The following CHD5 variants were observed in gnomAD, a reference collection of about 807,000 sequenced individuals.
The protein encoded by CHD5 is chromodomain helicase DNA binding protein 5.
A neutral mutation model predicts 230.3 loss-of-function variants in CHD5; 69 were observed. The observed-to-expected ratio is 0.30, with a 90% confidence interval of 0.25 to 0.37. The LOEUF is 0.37. Ranked by LOEUF, CHD5 falls within the 10% of genes least tolerant of loss-of-function variation. The pLI is 1.00. For missense variants in CHD5, 1,827 were observed against 2,622.8 expected (o/e 0.70, Z 6.63); for synonymous variants, 1,064 against 1,065.9 (o/e 1.00, Z 0.03).
Position 6,134,077 on chromosome 1 carries a change from T to G in CHD5, c.3144+51A>C, listed in dbSNP as rs1430299608. 11 of 1,561,122 alleles carry G rather than the reference T, an allele frequency of 7.0e-6. No homozygotes were observed. The highest frequency in any genetic ancestry group is 2.2e-5 in the South Asian group (2 of 89,462). ...TGCGCCCCCAAGCATCAGGGCAGGATGCTCTCTGTGGGGTGTGGAGCCGGG... is the reference window on the plus strand; with the variant it reads ...TGCGCCCCCAAGCATCAGGGCAGGAGGCTCTCTGTGGGGTGTGGAGCCGGG... On this transcript the variant is annotated intron_variant, in intron 20 of 41. Coordinates refer to ENST00000262450, the MANE Select transcript of CHD5 (RefSeq NM_015557.3). This position sits in a 1 kb window ranked among gnomAD's most constrained non-coding sequence, Gnocchi z 6.3.
At position 6,149,519 on chromosome 1, in the gene CHD5, G is replaced by C. The variant is rs1001152291; in HGVS notation, c.995-107C>G. On this transcript the variant is annotated intron_variant, in intron 7 of 41. Transcript: ENST00000262450. ...GGCACAGAGTAGATGTCTAATAGAG[G>C]GTGGATGGAAAGGTGGGTGGGTGAA... is the stretch of plus-strand genomic sequence containing the variant. 22 of 1,143,940 alleles carry C rather than the reference G, an allele frequency of 1.9e-5. No individual in the cohort carries two copies. In the African/African-American group the frequency reaches 3.3e-4, roughly 17 times the overall value. 70.9% of individuals were successfully genotyped at this position (1,143,940 alleles called of 1,614,324 possible).
At position 6,155,920 on chromosome 1, in the gene CHD5, G is replaced by GC. The variant is rs1667074047; in HGVS notation, c.388-204_388-203insG. Among the ~76,000 whole-genome samples the GC allele has an allele frequency of 6.6e-6, 1 of 152,218 alleles. No homozygotes were observed. Among genetic ancestry groups the GC allele is most frequent in the Non-Finnish European group, 1.5e-5 (1 of 68,034 alleles). ...CCCCGCAGCCCCCAATCTGTGCCAC[G>GC]TCTCAGATGCCAGCCCACGAAGTGC... On this transcript the variant is annotated intron_variant, in intron 3 of 41. Transcript: ENST00000262450. The surrounding 1 kb of genome is among the most constrained non-coding windows in gnomAD (Gnocchi z 4.0).
chr1:6,151,322 C>T (rs557752640), intron 6 of CHD5, among the ~76,000 whole-genome samples, 167 bp from the exon 7 acceptor site: 1 of 152,330 alleles, frequency 6.6e-6, no homozygotes, highest in African/African-American at 2.4e-5. Flanking sequence ...TTACAGCCTG[C>T]CTGTCCAGCC....
intron 1 of CHD5, among the ~76,000 whole-genome samples, chr1:6,174,040 G>A (rs1041240592): frequency 1.3e-5 from 2 of 152,102 alleles, no homozygotes; most frequent in African/African-American, 4.8e-5. Context: ...GGCCTGGGGG[G>A]AGTCACCCTG....
chr1:6,132,241 C>CT (rs1223428710), intron 20 of CHD5, among the ~76,000 whole-genome samples: 2 of 152,168 alleles, frequency 1.3e-5, no homozygotes, highest in Non-Finnish European at 2.9e-5. Flanking sequence ...GTATAATTCC[C>CT]TTTATTCTCG....
At chr1:6,135,147 C>G (rs1233908817) in intron 18 of CHD5, 83 bp downstream of exon 18, 6 of 1,521,032 alleles carry the variant, frequency 3.9e-6, no homozygotes, top group Non-Finnish European at 5.5e-6. Flanking sequence ...GAAGAGCCCT[C>G]CGCCCACCTG....
Position 6,136,855 on chromosome 1 carries a change from T to C in CHD5, c.2447A>G (p.Gln816Arg). Residue 816 changes from glutamine (Q) to arginine (R), a missense_variant, in exon 16 of 42, where the codon CAG becomes CGG. Gln to Arg is a conservative substitution (Grantham distance 43). Around this residue, in one of 14 missense-constraint regions of CHD5, gnomAD observed 80 missense variants for 96.4 expected, o/e 0.83. Coordinates refer to ENST00000262450, the MANE Select transcript of CHD5 (RefSeq NM_015557.3). ...KKVFRMKKEV[Q>R]IKFHVLLTSY... is the part of the protein sequence containing the mutation. ...GGTGAGCAGCACGTGGAATTTGATC[T>C]GCACTTCTTTCTGGAGAAAAGAGGG... 6.2e-7 allele frequency: 1 copy of C among 1,607,948 alleles called. No individual in the cohort carries two copies. Among genetic ancestry groups the C allele is most frequent in the Non-Finnish European group, 8.5e-7 (1 of 1,176,020 alleles).
At position 6,162,686 on chromosome 1, in the gene CHD5, C is replaced by T. The variant is rs547664078; in HGVS notation, c.208-3171G>A. On this transcript the variant is annotated intron_variant, in intron 2 of 41. Transcript: ENST00000262450. ...AAAATGCCCAAACAACCCATGATGACCCCAGCTCTGCATGGAAGCCAAAGA... is the reference window on the plus strand; with the variant it reads ...AAAATGCCCAAACAACCCATGATGATCCCAGCTCTGCATGGAAGCCAAAGA... 7.9e-5 allele frequency among the ~76,000 whole-genome samples: 12 copies of T among 152,282 alleles called. No individual in the cohort carries two copies. The South Asian group carries it at 2.3e-3, about 29-fold the overall frequency.
Position 6,128,443 on chromosome 1 carries a change from C to T in CHD5, c.3730+56G>A. On this transcript the variant is annotated intron_variant, in intron 24 of 41. Coordinates refer to ENST00000262450, the MANE Select transcript of CHD5 (RefSeq NM_015557.3). The surrounding 1 kb of genome is among the most constrained non-coding windows in gnomAD (Gnocchi z 7.8). ...GGCAGGTCAGGGAACCCCTCCTCTG[C>T]AGGAGCAGCCACCTGGTCGGAGGAG... 7.0e-7 allele frequency: 1 copy of T among 1,436,114 alleles called. No individual in the cohort carries two copies. The highest frequency in any genetic ancestry group is 9.8e-7 in the Non-Finnish European group (1 of 1,025,044). 89.0% of individuals were successfully genotyped at this position (1,436,114 alleles called of 1,614,324 possible).
chr1:6,179,675 C>T (rs1172828068), intron 1 of CHD5, among the ~76,000 whole-genome samples: 5 of 148,912 alleles, frequency 3.4e-5, no homozygotes, highest in Non-Finnish European at 6.0e-5. Context: ...GGCCCGCGGT[C>T]CTCTGGCCCG....
At chr1:6,111,694 C>T in intron 36 of CHD5, 81 bp downstream of exon 36, 1 of 1,077,306 alleles carries the variant, frequency 9.3e-7, no homozygotes, top group East Asian at 2.4e-5. Context: ...GAAGGCTTCC[C>T]CCGGAGCTCT....
rs72852024 is a variant in CHD5, at chr1:6,134,346, T to C, written c.3013-87A>G. Reference sequence around the variant, plus strand: ...AAAGGGGCCGCAGGGAACAGACAAGTGCTGAGCAATGGGGTGATGGCCTGT... The same window carrying C: ...AAAGGGGCCGCAGGGAACAGACAAGCGCTGAGCAATGGGGTGATGGCCTGT... On this transcript the variant is annotated intron_variant, in intron 19 of 41. Transcript: ENST00000262450. This position sits in a 1 kb window ranked among gnomAD's most constrained non-coding sequence, Gnocchi z 6.3. 8,652 of 1,472,634 alleles carry C rather than the reference T, an allele frequency of 5.9e-3. 278 individuals are homozygous for C. The African/African-American group carries it at 0.083, about 14-fold the overall frequency. 91.2% of individuals were successfully genotyped at this position (1,472,634 alleles called of 1,614,324 possible).
intron 33 of CHD5, chr1:6,113,256 C>G (rs1249004118): frequency 2.1e-6 from 1 of 468,172 alleles, no homozygotes; most frequent in East Asian, 4.2e-5. Flanking sequence ...AATCTCATCT[C>G]TACAAAAAAT....
intron 1 of CHD5, among the ~76,000 whole-genome samples, chr1:6,179,726 C>T (rs1571179604): frequency 9.8e-6 from 1 of 102,220 alleles, no homozygotes; most frequent in Admixed American, 9.8e-5. Flanking sequence ...GATCGCACCC[C>T]GCCCTTAGCC....
intron 20 of CHD5, among the ~76,000 whole-genome samples, chr1:6,132,631 T>C (rs1666676022): frequency 6.6e-6 from 1 of 152,220 alleles, no homozygotes; most frequent in African/African-American, 2.4e-5. Flanking sequence ...TCTCTGTACA[T>C]TGCATTCTGG....
chr1:6,110,305 GCTGCTCTCTAATTC>G, intron 37 of CHD5, 75 bp downstream of exon 37: 1 of 1,474,312 alleles, frequency 6.8e-7, no homozygotes, highest in Non-Finnish European at 9.4e-7. Context: ...GGGAGGGGTT[GCTGCTCTCTAATTC>G]CTTTGCCTTT....
Position 6,163,118 on chromosome 1 carries a change from C to T in CHD5, c.208-3603G>A, listed in dbSNP as rs114872864. Among the ~76,000 whole-genome samples, 956 of 152,348 alleles carry T rather than the reference C, an allele frequency of 6.3e-3. 7 individuals are homozygous for T. Among genetic ancestry groups the T allele is most frequent in the African/African-American group, 0.021 (874 of 41,570 alleles). On this transcript the variant is annotated intron_variant, in intron 2 of 41. Transcript: ENST00000262450. ...CCAGCGTCCGCTCAGGGTTAAGTGG[C>T]AGAGCAGGAGGGCACAGACCCTCAG...
chr1:6,129,645 C>T lies in CHD5; in HGVS notation c.3387+559G>A, dbSNP rs1666621680. On this transcript the variant is annotated intron_variant, in intron 22 of 41. Transcript: ENST00000262450. The surrounding 1 kb of genome is among the most constrained non-coding windows in gnomAD (Gnocchi z 6.8). Reference sequence around the variant, plus strand: ...ATGAGACATCAATTTGTATGTGTTCCCCTACATTTGTAAGCATTCAATGTG... The same window carrying T: ...ATGAGACATCAATTTGTATGTGTTCTCCTACATTTGTAAGCATTCAATGTG... Among the ~76,000 whole-genome samples, 1 of 152,152 alleles carries T rather than the reference C, an allele frequency of 6.6e-6. No homozygotes were observed. Among genetic ancestry groups the T allele is most frequent in the Non-Finnish European group, 1.5e-5 (1 of 68,014 alleles).
intron 17 of CHD5, among the ~76,000 whole-genome samples, chr1:6,135,637 C>T (rs2100851687): frequency 6.6e-6 from 1 of 152,338 alleles, no homozygotes; most frequent in East Asian, 1.9e-4. Context: ...TGGACAGGAG[C>T]TCTCTATTAC....
Sources: allele counts gnomAD v4.1 joint callset (sites outside exome capture counted in the v4.1 genomes callset), GRCh38; gene constraint gnomAD v4.1.1; regional missense constraint gnomAD v4.1.1; non-coding constraint Gnocchi (gnomAD v3.1); transcripts MANE v1.5; gene names NCBI Gene and HGNC (gene_info 2026-07-23, HGNC 2026-07-21).